The following GABRG3 variants were observed in gnomAD, a reference collection of about 807,000 sequenced individuals.
GABRG3 encodes gamma-aminobutyric acid receptor subunit gamma-3.
Under a neutral mutation model 48.8 loss-of-function variants are expected in GABRG3, and 25 were observed. The observed-to-expected ratio is 0.51, with a 90% CI of 0.37 to 0.72. GABRG3 has a LOEUF of 0.72. Among genes scored for constraint, GABRG3 ranks in the 30% least tolerant of loss-of-function variants. GABRG3 has a pLI of 0.00. For missense variants in GABRG3, 394 were observed against 577.9 expected (o/e 0.68, Z 3.26); for synonymous variants, 227 against 217.6 (o/e 1.04, Z -0.38).
intron 5 of GABRG3, among the ~76,000 whole-genome samples, chr15:27,345,967 C>T (rs531351517): frequency 6.6e-6 from 1 of 150,862 alleles, no homozygotes; most frequent in Non-Finnish European, 1.5e-5. Flanking sequence ...GCACAAGAAT[C>T]ACTTGGAACC....
intron 5 of GABRG3, among the ~76,000 whole-genome samples, chr15:27,384,917 GTATAATTGCTATAT>G (rs1309219749): frequency 7.9e-5 from 12 of 152,038 alleles, no homozygotes; most frequent in Non-Finnish European, 1.5e-4. Flanking sequence ...TTTGATTAGA[GTATAATTGCTATAT>G]AGTACAATGC....
chr15:27,008,994 G>A (rs1413227725), intron 2 of GABRG3, among the ~76,000 whole-genome samples: 1 of 152,180 alleles, frequency 6.6e-6, no homozygotes, highest in African/African-American at 2.4e-5. Flanking sequence ...GACGGGGCGA[G>A]GATGTAGAGC....
At chr15:27,526,977 G>A (rs144281858) in intron 7 of GABRG3, among the ~76,000 whole-genome samples, 1 of 152,316 alleles carries the variant, frequency 6.6e-6, no homozygotes, top group East Asian at 1.9e-4. Flanking sequence ...AGATGTGCAT[G>A]TTGTCAGCTC....
chr15:27,300,498 TAC>T (rs1491505567), intron 3 of GABRG3, among the ~76,000 whole-genome samples: 82,448 of 150,994 alleles, frequency 0.55, 23,457 homozygotes, highest in Non-Finnish European at 0.61. Flanking sequence ...ACCCCATCTC[TAC>T]TAAAAATACA....
intron 3 of GABRG3, among the ~76,000 whole-genome samples, chr15:27,277,265 G>A (rs551584260): frequency 6.6e-6 from 1 of 152,354 alleles, no homozygotes; most frequent in East Asian, 1.9e-4. Flanking sequence ...GAACATTACA[G>A]AAGAGGATTT....
intron 8 of GABRG3, 27 bp from the exon 9 acceptor site, chr15:27,527,906 T>C (rs1162291374): frequency 2.0e-6 from 3 of 1,514,696 alleles, no homozygotes; most frequent in Non-Finnish European, 2.7e-6. Context: ...GACAGTTTCC[T>C]AGTTATTTTT....
intron 3 of GABRG3, among the ~76,000 whole-genome samples, chr15:27,170,670 A>T (rs1471130655): frequency 6.6e-6 from 1 of 152,198 alleles, no homozygotes; most frequent in Non-Finnish European, 1.5e-5. Flanking sequence ...TCAGTTTCCC[A>T]GTGGAGGTAT....
chr15:27,004,445 A>C (rs1000592324), intron 2 of GABRG3, among the ~76,000 whole-genome samples: 1 of 147,650 alleles, frequency 6.8e-6, no homozygotes, highest in South Asian at 2.2e-4. Flanking sequence ...CCGGGCAGAG[A>C]CGCTCCCCAC....
intron 3 of GABRG3, among the ~76,000 whole-genome samples, chr15:27,222,459 G>C (rs1369615697): frequency 1.3e-5 from 2 of 152,192 alleles, no homozygotes; most frequent in Non-Finnish European, 1.5e-5. Context: ...TTCTGCAAAA[G>C]ATCCACAAGC....
intron 3 of GABRG3, among the ~76,000 whole-genome samples, chr15:27,310,754 T>C (rs761990080): frequency 6.6e-6 from 1 of 152,116 alleles, no homozygotes; most frequent in Non-Finnish European, 1.5e-5. Context: ...ATGAGAAGGA[T>C]AGTGGTATTG....
At chr15:26,991,983 G>A (rs1566902635) in intron 2 of GABRG3, among the ~76,000 whole-genome samples, 1 of 152,184 alleles carries the variant, frequency 6.6e-6, no homozygotes, top group Non-Finnish European at 1.5e-5. Context: ...GCCTCCCAAA[G>A]TGCTGGGATT....
At chr15:27,150,429 C>T (rs1898289580) in intron 3 of GABRG3, among the ~76,000 whole-genome samples, 1 of 152,140 alleles carries the variant, frequency 6.6e-6, no homozygotes, top group African/African-American at 2.4e-5. Context: ...TTATTTAGTT[C>T]AGCGTTTCTC....
At chr15:27,501,236 C>A (rs566789443) in intron 6 of GABRG3, among the ~76,000 whole-genome samples, 12 of 152,272 alleles carry the variant, frequency 7.9e-5, no homozygotes, top group African/African-American at 2.9e-4. Context: ...CAGGCGTGAG[C>A]CACCGTGCCC....
Position 27,026,782 on chromosome 15 carries a change from T to G in GABRG3, c.231T>G (p.Ile77Met). The G allele has an allele frequency of 6.2e-7, 1 of 1,611,920 alleles. No individual in the cohort carries two copies. Among genetic ancestry groups the G allele is most frequent in the Non-Finnish European group, 8.5e-7 (1 of 1,179,356 alleles). Residue 77 changes from isoleucine to methionine, a missense_variant, in exon 3 of 10, where the codon ATT (isoleucine) becomes ATG (methionine). Around this residue, in one of 3 missense-constraint regions of GABRG3, gnomAD observed 218 missense variants for 309.9 expected, o/e 0.70. Coordinates refer to ENST00000615808, the MANE Select transcript of GABRG3 (RefSeq NM_033223.5). The stretch of plus-strand genomic sequence containing the variant: ...AACCGACCGTAATTGACGTTGACAT[T>G]TATGTTAACAGCATTGGTCCTGTGT... ...GIKPTVIDVDIYVNSIGPVSS... is the reference protein window; with the variant it reads ...GIKPTVIDVDMYVNSIGPVSS...
rs781623521 is a variant in GABRG3, at chr15:27,326,991, C to A, written c.453C>A (p.Leu151=). 5.6e-6 allele frequency: 9 copies of A among 1,613,896 alleles called. No homozygotes were observed. Among genetic ancestry groups the A allele is most frequent in the Non-Finnish European group, 7.6e-6 (9 of 1,179,898 alleles). The change falls in exon 4 of 10, where the codon CTC becomes CTA. Residue 151 remains leucine, a synonymous_variant. Transcript: ENST00000615808. Reference sequence around the variant, plus strand: ...GGATCACCACACCCAATCAGCTCCTCCGGATTTGGAATGACGGGAAAATCC... The same window carrying A: ...GGATCACCACACCCAATCAGCTCCTACGGATTTGGAATGACGGGAAAATCC... ...AHWITTPNQL[L]RIWNDGKILY... is the part of the protein sequence containing the mutation.
intron 3 of GABRG3, among the ~76,000 whole-genome samples, chr15:27,268,273 TA>T (rs1890982174): frequency 6.6e-6 from 1 of 152,200 alleles, no homozygotes; most frequent in Non-Finnish European, 1.5e-5. Context: ...ATTTGTGTTT[TA>T]TAAGGAATAT....
At chr15:27,148,539 C>G (rs1391605153) in intron 3 of GABRG3, among the ~76,000 whole-genome samples, 6 of 151,976 alleles carry the variant, frequency 3.9e-5, no homozygotes. Context: ...AAAGACATCA[C>G]AGGAAATGAA....
intron 3 of GABRG3, among the ~76,000 whole-genome samples, chr15:27,309,299 T>G (rs1892915263): frequency 6.8e-6 from 1 of 147,806 alleles, no homozygotes; most frequent in Non-Finnish European, 1.5e-5. Context: ...GTGTTTTATA[T>G]ATGTGTGTGT....
intron 5 of GABRG3, among the ~76,000 whole-genome samples, chr15:27,356,564 C>T (rs1894849589): frequency 6.6e-6 from 1 of 152,168 alleles, no homozygotes; most frequent in South Asian, 2.1e-4. Flanking sequence ...TGCCACTATA[C>T]ACAAGAGAAA....
Sources: gnomAD v4.1 joint callset for allele counts (sites outside exome capture counted in the v4.1 genomes callset) on GRCh38, gnomAD v4.1.1 for gene constraint, gnomAD v4.1.1 regional missense constraint, MANE v1.5 for transcripts, NCBI Gene and HGNC (gene_info 2026-07-23, HGNC 2026-07-21) for gene names.